The following NT5C2 variants were observed in gnomAD, a reference collection of about 807,000 sequenced individuals.
NT5C2 encodes the protein cytosolic purine 5'-nucleotidase.
In NT5C2, 58 loss-of-function variants were observed where a neutral mutation model predicts 76.1. That is an observed-to-expected ratio of 0.76 (90% CI 0.62 to 0.95). NT5C2 has a LOEUF of 0.95. Ranked by LOEUF, NT5C2 falls within the 40% of genes least tolerant of loss-of-function variation. NT5C2 has a pLI of 0.00. For missense variants in NT5C2, 478 were observed against 690.3 expected (o/e 0.69, Z 3.45); for synonymous variants, 229 against 237.4 (o/e 0.96, Z 0.32).
chr10:103,166,558 C>A lies in NT5C2; in HGVS notation c.101+8300G>T, dbSNP rs144028739. On this transcript the variant is annotated intron_variant, in intron 3 of 18. Transcript: ENST00000404739. ...TTCTTACCAGTCCCTAAATTCTTAC[C>A]TGTCATTCCTTAGGAAGATGAAACA... 5.0e-3 allele frequency among the ~76,000 whole-genome samples: 762 copies of A among 152,302 alleles called. 3 individuals are homozygous for A. Among genetic ancestry groups the A allele is most frequent in the South Asian group, 0.011 (53 of 4,828 alleles).
chr10:103,100,747 C>G (rs1211233605), intron 8 of NT5C2: 1 of 561,570 alleles, frequency 1.8e-6, no homozygotes, highest in Non-Finnish European at 3.4e-6. Flanking sequence ...AATCATCACA[C>G]AAACCTCCCA....
intron 3 of NT5C2, among the ~76,000 whole-genome samples, chr10:103,171,962 C>T (rs1017509062): frequency 2.0e-5 from 3 of 152,058 alleles, no homozygotes; most frequent in Admixed American, 1.3e-4. Flanking sequence ...GTAATCCCAG[C>T]ACTATGGGAG....
chr10:103,158,953 A>G (rs2084094275), intron 3 of NT5C2, among the ~76,000 whole-genome samples: 1 of 152,214 alleles, frequency 6.6e-6, no homozygotes, highest in Non-Finnish European at 1.5e-5. Flanking sequence ...AAGTAGTACA[A>G]GACTTGTACA....
intron 9 of NT5C2, among the ~76,000 whole-genome samples, 191 bp from the exon 10 acceptor site, chr10:103,099,175 G>GT (rs1332074684): frequency 6.6e-6 from 1 of 152,146 alleles, no homozygotes; most frequent in Non-Finnish European, 1.5e-5. Context: ...CCAGGCTCAG[G>GT]TGATCCTCCC....
chr10:103,090,861 CTA>C (rs1364003795), intron 17 of NT5C2, 73 bp downstream of exon 17: 2 of 1,594,524 alleles, frequency 1.3e-6, no homozygotes, highest in South Asian at 1.1e-5. Flanking sequence ...ATGCTAGTCT[CTA>C]TAATAAATCA....
intron 1 of NT5C2, among the ~76,000 whole-genome samples, chr10:103,191,625 A>C (rs1416729578): frequency 6.6e-6 from 1 of 152,190 alleles, no homozygotes; most frequent in Non-Finnish European, 1.5e-5. Context: ...CAAACTTCTG[A>C]AAACTTGTAG....
intron 1 of NT5C2, among the ~76,000 whole-genome samples, chr10:103,187,594 G>A (rs1209611249): frequency 1.4e-5 from 2 of 147,554 alleles, no homozygotes; most frequent in Non-Finnish European, 3.0e-5. Context: ...TACTCTCCAA[G>A]CCACAGCTTG....
At chr10:103,113,945 A>T (rs183367974) in intron 4 of NT5C2, among the ~76,000 whole-genome samples, 4 of 152,354 alleles carry the variant, frequency 2.6e-5, no homozygotes, top group Admixed American at 2.6e-4. Flanking sequence ...CTATGTCAAG[A>T]CTAGGCAAGT....
chr10:103,143,602 ATTTTTTTTTTTTTTT>A (rs67395221), intron 3 of NT5C2, among the ~76,000 whole-genome samples: 6 of 53,866 alleles, frequency 1.1e-4, no homozygotes, highest in South Asian at 7.1e-4. Context: ...ATGTCCAGCT[ATTTTTTTTTTTTTTT>A]TTTTTTTTTT....
At chr10:103,116,652 C>G (rs2074424102) in intron 4 of NT5C2, among the ~76,000 whole-genome samples, 1 of 148,912 alleles carries the variant, frequency 6.7e-6, no homozygotes, top group Non-Finnish European at 1.5e-5. Context: ...TCACTGTATC[C>G]TCAAACTACT....
chr10:103,115,930 T>C (rs529647294), intron 4 of NT5C2, among the ~76,000 whole-genome samples: 11 of 152,150 alleles, frequency 7.2e-5, no homozygotes, highest in Non-Finnish European at 1.6e-4. Flanking sequence ...TGAAGTATTA[T>C]TTCTTTTAAA....
intron 3 of NT5C2, among the ~76,000 whole-genome samples, chr10:103,167,576 T>C (rs2086708227): frequency 6.6e-6 from 1 of 152,104 alleles, no homozygotes; most frequent in Non-Finnish European, 1.5e-5. Context: ...TATCTACATA[T>C]AACCTGATAC....
rs754222358 is a variant in NT5C2, at chr10:103,089,696, TTCA to T, written c.1659_1661del (p.Asp553del). 9.9e-6 allele frequency: 16 copies of T among 1,609,620 alleles called. No homozygotes were observed. Among genetic ancestry groups the T allele is most frequent in the Admixed American group, 3.4e-5 (2 of 59,548 alleles). Reference sequence around the variant, plus strand: ...CTTATTCTTCCTCCTCCTCCTCCTCTTCATCATCATCTTCGTCATGGCAGTGTG... The same window carrying T: ...CTTATTCTTCCTCCTCCTCCTCCTCTTCATCATCTTCGTCATGGCAGTGTG... On this transcript the variant is annotated inframe_deletion, in exon 19 of 19. Transcript: ENST00000404739.
intron 7 of NT5C2, 30 bp from the exon 8 acceptor site, chr10:103,101,132 C>T (rs1273220773): frequency 6.5e-7 from 1 of 1,538,978 alleles, no homozygotes; most frequent in South Asian, 1.1e-5. Context: ...TATTCATAAG[C>T]TATAATGAAA....
intron 3 of NT5C2, among the ~76,000 whole-genome samples, chr10:103,147,126 G>T (rs1052211381): frequency 6.6e-6 from 1 of 152,106 alleles, no homozygotes; most frequent in Non-Finnish European, 1.5e-5. Flanking sequence ...TTTATAAACT[G>T]GTCCTCCCTC....
At chr10:103,171,162 C>T (rs2087882865) in intron 3 of NT5C2, among the ~76,000 whole-genome samples, 1 of 152,118 alleles carries the variant, frequency 6.6e-6, no homozygotes, top group Non-Finnish European at 1.5e-5. Flanking sequence ...AGCATCCTAA[C>T]ACCCAGAAAT....
chr10:103,161,678 T>C (rs1182320233), intron 3 of NT5C2, among the ~76,000 whole-genome samples: 1 of 151,770 alleles, frequency 6.6e-6, no homozygotes, highest in Non-Finnish European at 1.5e-5. Context: ...GAGCTATGAC[T>C]GCGCCACTGT....
chr10:103,165,063 G>A (rs10509765), intron 3 of NT5C2, among the ~76,000 whole-genome samples: 20,333 of 152,204 alleles, frequency 0.13, 1,393 homozygotes, highest in Middle Eastern at 0.21. Flanking sequence ...TTCATGTGAC[G>A]TAAGAAAAGG....
intron 1 of NT5C2, among the ~76,000 whole-genome samples, chr10:103,187,947 CAAAATCAGAGCATAACAAAAGCATG>C (rs2135470005): frequency 6.6e-6 from 1 of 152,244 alleles, no homozygotes; most frequent in African/African-American, 2.4e-5. Context: ...TATTCTGACC[CAAAATCAGAGCATAACAAAAGCATG>C]TCCTGTCCTT....
Sources: allele counts gnomAD v4.1 joint callset (sites outside exome capture counted in the v4.1 genomes callset), GRCh38; gene constraint gnomAD v4.1.1; transcripts MANE v1.5; gene names NCBI Gene and HGNC (gene_info 2026-07-23, HGNC 2026-07-21).